Variants in SNX3 observed in about 807,000 individuals in gnomAD.
SNX3 encodes the protein sorting nexin-3.
A neutral mutation model predicts 17.7 loss-of-function variants in SNX3; 5 were observed. The ratio of observed to expected loss-of-function variants is 0.28; its 90% CI spans 0.15 to 0.59. SNX3 has a LOEUF of 0.59. Among genes scored for constraint, SNX3 ranks in the 20% least tolerant of loss-of-function variants. The probability of loss-of-function intolerance (pLI) is 0.88; values close to 1 mark genes in which losing one functional copy is unlikely to be tolerated. For missense variants in SNX3, 132 were observed against 206.8 expected (o/e 0.64, Z 2.22); for synonymous variants, 91 against 76.5 (o/e 1.19, Z -0.99).
chr6:108,222,932 A>G lies in SNX3; in HGVS notation c.258+18T>C. 1.4e-6 allele frequency: 2 copies of G among 1,451,946 alleles called. No homozygotes were observed. The highest frequency in any genetic ancestry group is 1.9e-6 in the Non-Finnish European group (2 of 1,038,666). The allele number at this position is 1,451,946 out of a possible 1,614,324, so 89.9% of individuals were successfully genotyped here. A position where few individuals can be genotyped will look rare whatever the true frequency, so the allele number is the denominator to read the frequency against. On this transcript the variant is annotated intron_variant, in intron 2 of 3. Transcript: ENST00000230085. ...TTGGAATGTTTTGCTTTAAAGTTGC[A>G]TCATAAATCATTCTTACCTTGCTCT...
chr6:108,246,970 G>A (rs1381109659), intron 1 of SNX3, among the ~76,000 whole-genome samples: 3 of 152,166 alleles, frequency 2.0e-5, no homozygotes, highest in Non-Finnish European at 2.9e-5. Context: ...GTCAGGATGT[G>A]ATATGGTTTG....
At chr6:108,257,439 C>T (rs531158180) in intron 1 of SNX3, among the ~76,000 whole-genome samples, 5 of 152,054 alleles carry the variant, frequency 3.3e-5, no homozygotes, top group South Asian at 2.1e-4. Flanking sequence ...CTTGAGTCCT[C>T]GAGTTTGAGA....
At chr6:108,258,429 G>A (rs922468417) in intron 1 of SNX3, among the ~76,000 whole-genome samples, 2 of 150,040 alleles carry the variant, frequency 1.3e-5, no homozygotes, top group South Asian at 4.2e-4. Flanking sequence ...CTGCACTGCA[G>A]CCTGGGCAAC....
chr6:108,227,323 C>T (rs762126285), intron 1 of SNX3, among the ~76,000 whole-genome samples: 1 of 152,086 alleles, frequency 6.6e-6, no homozygotes, highest in South Asian at 2.1e-4. Flanking sequence ...ATCAAGCTTG[C>T]GAAAAGAGTC....
intron 1 of SNX3, among the ~76,000 whole-genome samples, chr6:108,236,726 T>C (rs1775356657): frequency 6.6e-6 from 1 of 152,136 alleles, no homozygotes; most frequent in Non-Finnish European, 1.5e-5. Context: ...AAGCTGTTTC[T>C]TCAAAGCTTG....
chr6:108,228,120 T>C (rs1296786233), intron 1 of SNX3, among the ~76,000 whole-genome samples: 1 of 152,078 alleles, frequency 6.6e-6, no homozygotes, highest in African/African-American at 2.4e-5. Context: ...TGGTTAAAAA[T>C]ACTACAAACT....
intron 1 of SNX3, among the ~76,000 whole-genome samples, chr6:108,253,464 T>C (rs2114768001): frequency 6.6e-6 from 1 of 151,634 alleles, no homozygotes; most frequent in Admixed American, 6.6e-5. Flanking sequence ...ACATGGATGA[T>C]GCAAGACAAG....
intron 2 of SNX3, among the ~76,000 whole-genome samples, chr6:108,215,561 A>G (rs1334733727): frequency 6.6e-6 from 1 of 152,100 alleles, no homozygotes; most frequent in African/African-American, 2.4e-5. Context: ...CTCGCACTAT[A>G]GGAAGATCCC....
intron 1 of SNX3, among the ~76,000 whole-genome samples, chr6:108,258,016 C>T (rs1040849893): frequency 6.6e-6 from 1 of 152,078 alleles, no homozygotes; most frequent in Non-Finnish European, 1.5e-5. Flanking sequence ...TCATTTCATG[C>T]ATTAAAAACT....
At chr6:108,256,492 G>A (rs898758004) in intron 1 of SNX3, among the ~76,000 whole-genome samples, 3 of 152,228 alleles carry the variant, frequency 2.0e-5, no homozygotes, top group African/African-American at 4.8e-5. Flanking sequence ...GTGCTAGAAA[G>A]ATTCATGTGC....
chr6:108,251,894 T>C (rs1775869800), intron 1 of SNX3, among the ~76,000 whole-genome samples: 1 of 151,954 alleles, frequency 6.6e-6, no homozygotes, highest in African/African-American at 2.4e-5. Context: ...AAACCCCATC[T>C]TTACTAAAAA....
chr6:108,231,168 G>A (rs189041921), intron 1 of SNX3, among the ~76,000 whole-genome samples: 10 of 151,718 alleles, frequency 6.6e-5, no homozygotes, highest in African/African-American at 2.2e-4. Flanking sequence ...GCAATGGCGC[G>A]ATGTCGGCTC....
Position 108,223,052 on chromosome 6 carries a change from C to CA in SNX3, c.163-8dup, listed in dbSNP as rs775879205. The CA allele has an allele frequency of 3.2e-6, 5 of 1,544,946 alleles. No individual in the cohort carries two copies. The highest frequency in any genetic ancestry group is 3.5e-5 in the Admixed American group (2 of 57,386). On this transcript the variant is annotated splice_region_variant and splice_polypyrimidine_tract_variant and intron_variant, in intron 1 of 3. Coordinates refer to ENST00000230085, the MANE Select transcript of SNX3 (RefSeq NM_003795.6). ...TGAAAATAGGAAGATTTGTCTGAAA[C>CA]AAAAAAAGTTAGTCCTAAATTGAAG...
chr6:108,250,283 G>A (rs550865724), intron 1 of SNX3, among the ~76,000 whole-genome samples: 11 of 152,232 alleles, frequency 7.2e-5, no homozygotes, highest in Admixed American at 1.3e-4. Context: ...GCAAACTCTA[G>A]ACATAAAATT....
chr6:108,227,279 G>A (rs1775002981), intron 1 of SNX3, among the ~76,000 whole-genome samples: 1 of 152,084 alleles, frequency 6.6e-6, no homozygotes, highest in African/African-American at 2.4e-5. Flanking sequence ...TTTACAAAGG[G>A]GATTAACTGC....
intron 1 of SNX3, among the ~76,000 whole-genome samples, 157 bp from the exon 2 acceptor site, chr6:108,223,202 G>A (rs1774861160): frequency 6.6e-6 from 1 of 152,094 alleles, no homozygotes; most frequent in South Asian, 2.1e-4. Flanking sequence ...GCAATGGCAC[G>A]ATCTCGGCTC....
In SNX3 at chr6:108,216,777, A is replaced by G. The variant is rs551959570; in HGVS notation, c.259-2155T>C. The stretch of plus-strand genomic sequence containing the variant: ...AAAAGGGAAAGAGCAACTCGACTTC[A>G]TATAGATTAACAAAAAACAAAATAA... On this transcript the variant is annotated intron_variant, in intron 2 of 3. Transcript: ENST00000230085. Among the ~76,000 whole-genome samples, 11 of 152,312 alleles carry G rather than the reference A, an allele frequency of 7.2e-5. 1 individual carries two copies. In the South Asian group the frequency reaches 2.3e-3, roughly 32 times the overall value.
chr6:108,251,650 T>C (rs1775863570), intron 1 of SNX3, among the ~76,000 whole-genome samples: 1 of 152,136 alleles, frequency 6.6e-6, no homozygotes, highest in Non-Finnish European at 1.5e-5. Flanking sequence ...AAACAAAAAA[T>C]TATCCTCTTT....
At chr6:108,221,274 T>G (rs1774762126) in intron 2 of SNX3, among the ~76,000 whole-genome samples, 1 of 151,848 alleles carries the variant, frequency 6.6e-6, no homozygotes, top group African/African-American at 2.4e-5. Context: ...AGCTTTGTTT[T>G]TTTTTTTAGA....
Sources: gnomAD v4.1 joint callset for allele counts (sites outside exome capture counted in the v4.1 genomes callset) on GRCh38, gnomAD v4.1.1 for gene constraint, MANE v1.5 for transcripts, NCBI Gene and HGNC (gene_info 2026-07-23, HGNC 2026-07-21) for gene names.